The following CCSER2 variants were observed in gnomAD, a reference collection of about 807,000 sequenced individuals.
CCSER2 encodes the protein serine-rich coiled-coil domain-containing protein 2.
CCSER2 carries 46 observed loss-of-function variants against 92.3 expected under a neutral mutation model. That is an observed-to-expected ratio of 0.50 (90% CI 0.39 to 0.64). The LOEUF (loss-of-function observed/expected upper bound fraction) is 0.64, where lower values mean the gene tolerates loss of function less well. Among genes scored for constraint, CCSER2 ranks in the 30% least tolerant of loss-of-function variants. The pLI is 0.00. For missense variants in CCSER2, 1,244 were observed against 1,238.9 expected, an observed-to-expected ratio of 1.00 and a Z score of -0.06; for synonymous variants, 433 against 431.4, an observed-to-expected ratio of 1.00 and a Z score of -0.04.
intron 6 of CCSER2, among the ~76,000 whole-genome samples, chr10:84,444,607 C>T (rs766213822): frequency 6.6e-6 from 1 of 152,014 alleles, no homozygotes; most frequent in South Asian, 2.1e-4. Flanking sequence ...CTAGAAGATA[C>T]CTTGAGGGAC....
At chr10:84,494,959 C>G (rs1020283125) in intron 9 of CCSER2, among the ~76,000 whole-genome samples, 1 of 148,230 alleles carries the variant, frequency 6.7e-6, no homozygotes, top group Non-Finnish European at 1.5e-5. Context: ...GGTTACACCA[C>G]AAAACTGCTG....
chr10:84,331,379 G>A (rs1235641276), intron 1 of CCSER2, among the ~76,000 whole-genome samples: 1 of 152,160 alleles, frequency 6.6e-6, no homozygotes, highest in Non-Finnish European at 1.5e-5. Flanking sequence ...TTGGGGATAT[G>A]GGAGAAACCT....
intron 6 of CCSER2, among the ~76,000 whole-genome samples, chr10:84,457,293 T>TAA (rs1564684820): frequency 1.5e-4 from 12 of 78,948 alleles, no homozygotes; most frequent in African/African-American, 3.8e-4. Context: ...ATATTATATA[T>TAA]TATATATAAT....
chr10:84,418,888 T>G (rs1176895374), intron 4 of CCSER2, among the ~76,000 whole-genome samples: 1 of 152,202 alleles, frequency 6.6e-6, no homozygotes, highest in African/African-American at 2.4e-5. Flanking sequence ...TTGAGGTCTG[T>G]TCCATGTTTC....
At chr10:84,468,874 G>T (rs1478372591) in intron 7 of CCSER2, among the ~76,000 whole-genome samples, 2 of 152,092 alleles carry the variant, frequency 1.3e-5, no homozygotes, top group Non-Finnish European at 1.5e-5. Flanking sequence ...GTCCAAAAAG[G>T]TTAACTGCTA....
chr10:84,388,023 C>A (rs1423012703), intron 3 of CCSER2, among the ~76,000 whole-genome samples: 3 of 152,000 alleles, frequency 2.0e-5, no homozygotes, highest in African/African-American at 7.3e-5. Context: ...AACACCATGC[C>A]TGGCTAATTT....
intron 7 of CCSER2, among the ~76,000 whole-genome samples, chr10:84,470,125 A>G (rs1846698355): frequency 6.6e-6 from 1 of 151,578 alleles, no homozygotes; most frequent in Non-Finnish European, 1.5e-5. Flanking sequence ...AAATGCTTAA[A>G]TAAGTGCAAG....
At chr10:84,442,739 A>G (rs1033282369) in intron 6 of CCSER2, among the ~76,000 whole-genome samples, 1 of 152,244 alleles carries the variant, frequency 6.6e-6, no homozygotes, top group Non-Finnish European at 1.5e-5. Flanking sequence ...ACTCCAAACT[A>G]TATTACAAGG....
chr10:84,389,423 G>A (rs781747088), intron 3 of CCSER2: 7 of 473,314 alleles, frequency 1.5e-5, no homozygotes, highest in Non-Finnish European at 2.9e-5. Context: ...TTTGATGATC[G>A]GTGCAGAGGG....
chr10:84,506,336 G>T (rs1158635725), intron 9 of CCSER2, among the ~76,000 whole-genome samples: 1 of 152,190 alleles, frequency 6.6e-6, no homozygotes, highest in Non-Finnish European at 1.5e-5. Context: ...TGGAAGCTGT[G>T]ATTGGCTTCA....
intron 3 of CCSER2, among the ~76,000 whole-genome samples, chr10:84,401,051 G>A (rs1367591185): frequency 6.6e-6 from 1 of 152,162 alleles, no homozygotes; most frequent in Non-Finnish European, 1.5e-5. Context: ...TTTGTAGAAT[G>A]TAACTAAAGC....
rs749578270 is a variant in CCSER2 at position 84,477,593 on chromosome 10, C to T, written c.2254C>T (p.His752Tyr). 1 of 1,610,462 alleles carries T rather than the reference C, an allele frequency of 6.2e-7. No homozygotes were observed. Among genetic ancestry groups the T allele is most frequent in the Admixed American group, 1.7e-5 (1 of 59,846 alleles). Residue 752 changes from histidine to tyrosine, a missense_variant, in exon 9 of 10, where the codon CAC becomes TAC. Transcript: ENST00000372088. ...ELQLATQHIC[H>Y]QKCKEEKCTY... Reference sequence around the variant, plus strand: ...TGTTTAGGCAACTCAGCATATCTGCCACCAAAAATGTAAAGAGGAAAAATG... The same window carrying T: ...TGTTTAGGCAACTCAGCATATCTGCTACCAAAAATGTAAAGAGGAAAAATG...
chr10:84,421,442 C>G (rs1280208558), intron 4 of CCSER2, among the ~76,000 whole-genome samples: 1 of 152,120 alleles, frequency 6.6e-6, no homozygotes, highest in African/African-American at 2.4e-5. Context: ...TGTCCTTCTT[C>G]ACATGGCAGC....
intron 6 of CCSER2, among the ~76,000 whole-genome samples, chr10:84,460,526 C>T (rs1383039584): frequency 1.3e-5 from 2 of 151,600 alleles, no homozygotes; most frequent in East Asian, 3.9e-4. Context: ...TTTGATTTTT[C>T]TCTAAGTGGT....
intron 9 of CCSER2, among the ~76,000 whole-genome samples, chr10:84,506,160 C>T (rs1849034494): frequency 6.7e-6 from 1 of 148,158 alleles, no homozygotes; most frequent in Admixed American, 6.7e-5. Flanking sequence ...AAAAACCAAA[C>T]CCGTTAACTG....
chr10:84,345,398 T>C (rs1467423780), intron 1 of CCSER2, among the ~76,000 whole-genome samples: 3 of 152,314 alleles, frequency 2.0e-5, no homozygotes, highest in Non-Finnish European at 4.4e-5. Flanking sequence ...AAGCATTTAG[T>C]ATTTTGACAT....
chr10:84,368,486 T>C (rs1431744119), intron 1 of CCSER2, among the ~76,000 whole-genome samples: 1 of 152,098 alleles, frequency 6.6e-6, no homozygotes, highest in African/African-American at 2.4e-5. Flanking sequence ...ATTTGTACGA[T>C]TTTCTAAATA....
chr10:84,381,195 C>T (rs574038435), intron 3 of CCSER2, among the ~76,000 whole-genome samples: 3 of 152,248 alleles, frequency 2.0e-5, no homozygotes, highest in African/African-American at 7.2e-5. Context: ...ATATAAAGTA[C>T]TTATTAATGC....
At chr10:84,490,249 C>T (rs761482637) in intron 9 of CCSER2, among the ~76,000 whole-genome samples, 30 of 152,092 alleles carry the variant, frequency 2.0e-4, no homozygotes, top group Admixed American at 1.2e-3. Context: ...ATTATCTTTG[C>T]GGCGTTCTCT....
Sources: allele counts gnomAD v4.1 joint callset (sites outside exome capture counted in the v4.1 genomes callset), GRCh38; gene constraint gnomAD v4.1.1; transcripts MANE v1.5; gene names NCBI Gene and HGNC (gene_info 2026-07-23, HGNC 2026-07-21).